Variants in LARP1B observed in about 807,000 individuals in gnomAD.
LARP1B encodes La ribonucleoprotein 1B.
A neutral mutation model predicts 114.2 loss-of-function variants in LARP1B; 76 were observed. That is an observed-to-expected ratio of 0.67 (90% CI 0.55 to 0.81). The LOEUF (loss-of-function observed/expected upper bound fraction) is 0.81. LARP1B is among the 30% of genes least tolerant of loss of function. The probability of loss-of-function intolerance (pLI) is 0.00; values close to 1 mark genes in which losing one functional copy is unlikely to be tolerated. For synonymous variants in LARP1B, 345 were observed against 348.0 expected (o/e 0.99, Z 0.10); for missense variants, 1,014 against 1,075.8 (o/e 0.94, Z 0.80).
chr4:128,129,998 T>C (rs1396354388), intron 11 of LARP1B, among the ~76,000 whole-genome samples: 1 of 152,054 alleles, frequency 6.6e-6, no homozygotes, highest in East Asian at 1.9e-4. Flanking sequence ...ATGAAAGAAA[T>C]AATAAGCTAG....
At chr4:128,139,545 A>C (rs1261419350) in intron 11 of LARP1B, among the ~76,000 whole-genome samples, 1 of 151,596 alleles carries the variant, frequency 6.6e-6, no homozygotes, top group African/African-American at 2.4e-5. Context: ...AAGAATCCAT[A>C]AAGTAGATTT....
chr4:128,147,771 A>C (rs749276800), intron 11 of LARP1B, among the ~76,000 whole-genome samples: 1 of 152,228 alleles, frequency 6.6e-6, no homozygotes, highest in Admixed American at 6.5e-5. Context: ...GTAGTAAAAA[A>C]AAGAAAAAAG....
intron 7 of LARP1B, among the ~76,000 whole-genome samples, chr4:128,092,529 C>T (rs1776272891): frequency 6.6e-6 from 1 of 152,078 alleles, no homozygotes; most frequent in South Asian, 2.1e-4. Context: ...AAGTAATTTG[C>T]ATAACCAATT....
At chr4:128,187,271 C>T (rs1387092927) in intron 15 of LARP1B, among the ~76,000 whole-genome samples, 1 of 152,232 alleles carries the variant, frequency 6.6e-6, no homozygotes, top group African/African-American at 2.4e-5. Flanking sequence ...AGTGCCAGCC[C>T]TTAAGAGCAG....
At chr4:128,178,221 GA>G (rs1225585236) in intron 13 of LARP1B, among the ~76,000 whole-genome samples, 4 of 150,490 alleles carry the variant, frequency 2.7e-5, no homozygotes, top group Admixed American at 6.6e-5. Context: ...TTCTTTAAAA[GA>G]AAAAAAGGTC....
intron 11 of LARP1B, among the ~76,000 whole-genome samples, chr4:128,131,869 T>C (rs1791676638): frequency 6.6e-6 from 1 of 152,184 alleles, no homozygotes; most frequent in Admixed American, 6.5e-5. Flanking sequence ...TACCATGTTA[T>C]ACCCAAAAGG....
chr4:128,108,580 C>T (rs1782887766), intron 9 of LARP1B: 1 of 985,460 alleles, frequency 1.0e-6, no homozygotes, highest in Non-Finnish European at 1.2e-6. Context: ...TGTCAGCCTT[C>T]TGCTTCTAAT....
chr4:128,114,784 T>G (rs1785223790), intron 10 of LARP1B, 42 bp downstream of exon 10: 1 of 1,583,306 alleles, frequency 6.3e-7, no homozygotes, highest in African/African-American at 1.3e-5. Flanking sequence ...ATACCCTGGG[T>G]GGAGTATAAG....
intron 10 of LARP1B, among the ~76,000 whole-genome samples, chr4:128,120,935 C>G (rs1195518976): frequency 1.3e-5 from 2 of 151,266 alleles, no homozygotes; most frequent in Non-Finnish European, 2.9e-5. Flanking sequence ...CTCAGCCTCC[C>G]GAGTAGCTGG....
At chr4:128,202,378 A>G (rs1756245034) in intron 17 of LARP1B, among the ~76,000 whole-genome samples, 1 of 152,254 alleles carries the variant, frequency 6.6e-6, no homozygotes, top group Non-Finnish European at 1.5e-5. Context: ...GACTGCACTG[A>G]GCATAGTAAT....
intron 4 of LARP1B, among the ~76,000 whole-genome samples, chr4:128,080,669 A>AT (rs903590994): frequency 1.3e-5 from 2 of 152,212 alleles, no homozygotes; most frequent in African/African-American, 4.8e-5. Flanking sequence ...TATGGCATTC[A>AT]TGAATAGATG....
chr4:128,089,178 T>A (rs546636790), intron 5 of LARP1B, among the ~76,000 whole-genome samples: 1 of 152,168 alleles, frequency 6.6e-6, no homozygotes, highest in South Asian at 2.1e-4. Flanking sequence ...ATGCCAAACA[T>A]CCTGTAGTCC....
chr4:128,085,214 T>C (rs1000584650), intron 5 of LARP1B, among the ~76,000 whole-genome samples: 8 of 152,184 alleles, frequency 5.3e-5, no homozygotes, highest in African/African-American at 1.9e-4. Flanking sequence ...CTCTAGACTT[T>C]TAAAAAATTT....
In LARP1B at chr4:128,210,841, C is replaced by A; in HGVS notation, c.*788C>A. ...ATAAACGTGCACGAGTAATTTAAAA[C>A]CTGCATTGGGATTGATTGGAATATT... On this transcript the variant is annotated 3_prime_UTR_variant, in exon 20 of 20. Coordinates refer to ENST00000326639, the MANE Select transcript of LARP1B (RefSeq NM_018078.4). 1 of 984,486 alleles carries A rather than the reference C, an allele frequency of 1.0e-6. No homozygotes were observed. The highest frequency in any genetic ancestry group is 1.7e-5 in the African/African-American group (1 of 57,262). 61.0% of individuals were successfully genotyped at this position (984,486 alleles called of 1,614,324 possible).
intron 4 of LARP1B, 30 bp downstream of exon 4, chr4:128,077,992 T>C: frequency 1.4e-6 from 2 of 1,454,460 alleles, no homozygotes; most frequent in Non-Finnish European, 1.8e-6. Flanking sequence ...TATTTTGATT[T>C]TAGTTTTTGA....
In LARP1B at chr4:128,082,204, T is replaced by A; in HGVS notation, c.257T>A (p.Val86Glu). ...HKWVPLHLDV[V>E]RSESQERPGS... ...TGGGTACCACTCCACTTAGATGTTG[T>A]AAGATCAGAGAGTCAAGAAAGACCT... The change falls in exon 5 of 20, where the codon GTA becomes GAA. Residue 86 changes from valine (V) to glutamate (E), a missense_variant. Coordinates refer to ENST00000326639, the MANE Select transcript of LARP1B (RefSeq NM_018078.4). 6.2e-7 allele frequency: 1 copy of A among 1,612,646 alleles called. No individual in the cohort carries two copies. Among genetic ancestry groups the A allele is most frequent in the South Asian group, 1.1e-5 (1 of 91,012 alleles).
intron 9 of LARP1B, among the ~76,000 whole-genome samples, chr4:128,113,655 A>G (rs1057473745): frequency 2.0e-5 from 3 of 152,026 alleles, no homozygotes; most frequent in Non-Finnish European, 4.4e-5. Context: ...TTTGAATTTT[A>G]TCATTTTGAT....
At chr4:128,196,577 A>G (rs977939881) in intron 15 of LARP1B, among the ~76,000 whole-genome samples, 3 of 151,292 alleles carry the variant, frequency 2.0e-5, no homozygotes, top group African/African-American at 7.3e-5. Context: ...TTTCAAAAAA[A>G]TTGAAGGAAT....
chr4:128,153,410 G>A (rs918754501), intron 11 of LARP1B, among the ~76,000 whole-genome samples: 1 of 151,612 alleles, frequency 6.6e-6, no homozygotes, highest in Non-Finnish European at 1.5e-5. Context: ...TCCGCCTCCC[G>A]GATTCAAGCG....
Sources: gnomAD v4.1 joint callset for allele counts (sites outside exome capture counted in the v4.1 genomes callset) on GRCh38, gnomAD v4.1.1 for gene constraint, MANE v1.5 for transcripts, NCBI Gene and HGNC (gene_info 2026-07-23, HGNC 2026-07-21) for gene names.